BAX: variants seen among roughly 807,000 people sequenced by gnomAD.
BAX encodes the protein BCL2 associated X, apoptosis regulator, also known as apoptosis regulator BAX.
BAX carries 21 observed loss-of-function variants against 26.8 expected under a neutral mutation model. The observed-to-expected ratio is 0.78, with a 90% CI of 0.56 to 1.13. BAX has a LOEUF of 1.13. Among genes scored for constraint, BAX ranks in the 50% most tolerant of loss-of-function variants. BAX has a pLI of 0.00. For synonymous variants in BAX, 110 were observed against 101.8 expected (o/e 1.08, Z -0.49); for missense variants, 236 against 254.6 (o/e 0.93, Z 0.50).
intron 4 of BAX, among the ~76,000 whole-genome samples, chr19:48,957,586 T>G (rs1008587973): frequency 6.6e-6 from 1 of 152,112 alleles, no homozygotes; most frequent in African/African-American, 2.4e-5. Context: ...GGAAAGACTT[T>G]AACTTTACTC....
chr19:48,956,163 C>A, intron 3 of BAX, 35 bp from the exon 4 acceptor site: 2 of 1,482,982 alleles, frequency 1.3e-6, no homozygotes, highest in South Asian at 1.4e-5. Flanking sequence ...AGCCTGATGC[C>A]TGCTCCCCGG....
At chr19:48,961,411 T>G (rs762069925) in intron 5 of BAX, 121 bp from the exon 6 acceptor site, 257 of 1,168,892 alleles carry the variant, frequency 2.2e-4, no homozygotes, top group Non-Finnish European at 2.7e-4. Flanking sequence ...TAATGCCCGT[T>G]CATCTCAGTC....
chr19:48,955,841 C>T lies in BAX; in HGVS notation c.233+8C>T, dbSNP rs34124134. ...TAACATGGAGCTGCAGAGGTGTGGGCCCCTGAGGACCCAGAAGTCCAGCCA... is the reference window on the plus strand; with the variant it reads ...TAACATGGAGCTGCAGAGGTGTGGGTCCCTGAGGACCCAGAAGTCCAGCCA... On this transcript the variant is annotated splice_region_variant and intron_variant, in intron 3 of 5. Coordinates refer to ENST00000345358, the MANE Select transcript of BAX (RefSeq NM_138761.4). 226 of 1,573,836 alleles carry T rather than the reference C, an allele frequency of 1.4e-4. No individual in the cohort carries two copies. The African/African-American group carries it at 2.8e-3, about 19-fold the overall frequency.
chr19:48,959,344 C>T (rs140237948), intron 4 of BAX, among the ~76,000 whole-genome samples: 4,025 of 81,906 alleles, frequency 0.049, 101 homozygotes, highest in Non-Finnish European at 0.069. Flanking sequence ...AGTGAGACTC[C>T]GTCTCAAAAA....
chr19:48,955,172 C>T (rs1324553399), intron 1 of BAX: 5 of 586,820 alleles, frequency 8.5e-6, no homozygotes, highest in African/African-American at 3.8e-5. Flanking sequence ...CTGGCGCTCT[C>T]GGACCCTCGA....
intron 4 of BAX, among the ~76,000 whole-genome samples, chr19:48,957,489 G>A (rs1164754793): frequency 6.6e-6 from 1 of 151,330 alleles, no homozygotes; most frequent in African/African-American, 2.4e-5. Context: ...TGGCCAGGCT[G>A]GTCTCAAACT....
intron 5 of BAX, 37 bp from the exon 6 acceptor site, chr19:48,961,495 G>A (rs758475653): frequency 1.3e-6 from 2 of 1,537,698 alleles, no homozygotes; most frequent in Non-Finnish European, 8.9e-7. Context: ...GCTGCCCCTG[G>A]CCGAGTCACT....
chr19:48,961,345 TCA>T (rs2038353110), intron 5 of BAX, 185 bp from the exon 6 acceptor site: 1 of 1,303,814 alleles, frequency 7.7e-7, no homozygotes, highest in African/African-American at 1.5e-5. Context: ...CCTCAGCCTC[TCA>T]AAGTGCTGGG....
At chr19:48,955,009 G>C in intron 1 of BAX, 47 bp downstream of exon 1, 2 of 1,239,632 alleles carry the variant, frequency 1.6e-6, no homozygotes, top group Non-Finnish European at 2.0e-6. Context: ...CCCCCTCGCC[G>C]GCCCGTCCGG....
intron 3 of BAX, 45 bp downstream of exon 3, chr19:48,955,878 C>T (rs1280376526): frequency 6.6e-7 from 1 of 1,525,806 alleles, no homozygotes; most frequent in South Asian, 1.3e-5. Context: ...TGGGCTCCTT[C>T]AGGACACAGG....
intron 4 of BAX, among the ~76,000 whole-genome samples, chr19:48,959,820 C>CT (rs1225573076): frequency 1.4e-5 from 2 of 144,536 alleles, no homozygotes; most frequent in South Asian, 2.2e-4. Flanking sequence ...GATCAAAACT[C>CT]TATCTCAAAA....
At chr19:48,955,923 A>C in intron 3 of BAX, 90 bp downstream of exon 3, 1 of 1,440,392 alleles carries the variant, frequency 6.9e-7, no homozygotes, top group Admixed American at 2.5e-5. Flanking sequence ...TCCCCTAAGA[A>C]CTAGGAGTCT....
intron 4 of BAX, chr19:48,960,234 T>C (rs951163072): frequency 8.9e-6 from 4 of 447,688 alleles, no homozygotes; most frequent in Non-Finnish European, 1.8e-5. Context: ...TGCTCTATTG[T>C]CCAGGCTGGC....
At chr19:48,956,152 C>G (rs769462342) in intron 3 of BAX, 46 bp from the exon 4 acceptor site, 64 of 1,472,710 alleles carry the variant, frequency 4.3e-5, no homozygotes, top group Non-Finnish European at 5.8e-5. Context: ...TTTCCACCAT[C>G]AGCCTGATGC....
intron 4 of BAX, among the ~76,000 whole-genome samples, chr19:48,960,026 C>T (rs938777621): frequency 2.1e-5 from 3 of 144,666 alleles, no homozygotes; most frequent in Non-Finnish European, 4.5e-5. Context: ...CAGCGAGGCA[C>T]AAAACAGGAA....
intron 4 of BAX, among the ~76,000 whole-genome samples, chr19:48,958,122 G>C (rs866661786): frequency 5.3e-4 from 80 of 150,400 alleles, no homozygotes; most frequent in African/African-American, 1.8e-3. Context: ...GTAGGGTCTT[G>C]CTCTGTTGGC....
In BAX at chr19:48,961,702, G is replaced by C; in HGVS notation, c.*66G>C. On this transcript the variant is annotated 3_prime_UTR_variant, in exon 6 of 6. Transcript: ENST00000345358. The stretch of plus-strand genomic sequence containing the variant: ...TATGGCATTTTTCTGGGAGGGGTGG[G>C]GATTGGGGGACGTGGGCATTTTTCT... 7.3e-7 allele frequency: 1 copy of C among 1,361,626 alleles called. No individual in the cohort carries two copies. The highest frequency in any genetic ancestry group is 1.3e-5 in the South Asian group (1 of 79,820). 84.3% of individuals were successfully genotyped at this position (1,361,626 alleles called of 1,614,324 possible).
At chr19:48,957,176 A>T (rs564317725) in intron 4 of BAX, among the ~76,000 whole-genome samples, 18 of 149,560 alleles carry the variant, frequency 1.2e-4, no homozygotes, top group African/African-American at 4.1e-4. Context: ...GAACAGAGTG[A>T]ACTGGGGAGA....
Position 48,960,188 on chromosome 19 carries a change from A to T in BAX, c.370-622A>T. On this transcript the variant is annotated intron_variant, in intron 4 of 5. Coordinates refer to ENST00000345358, the MANE Select transcript of BAX (RefSeq NM_138761.4). ...GTAACATTATCTTGTTTACAATTTT[A>T]TTTTTTTTATTTATTTATTTTTTGA... The T allele has an allele frequency of 2.7e-5, 12 of 437,586 alleles. 1 individual carries two copies. Among genetic ancestry groups the T allele is most frequent in the South Asian group, 2.0e-4 (12 of 61,014 alleles). 27.1% of individuals were successfully genotyped at this position (437,586 alleles called of 1,614,324 possible).
Sources: allele counts gnomAD v4.1 joint callset (sites outside exome capture counted in the v4.1 genomes callset), GRCh38; gene constraint gnomAD v4.1.1; transcripts MANE v1.5; gene names NCBI Gene and HGNC (gene_info 2026-07-23, HGNC 2026-07-21).